FIGN: variants seen among roughly 807,000 people sequenced by gnomAD.
The protein encoded by FIGN is fidgetin, microtubule severing factor.
FIGN carries 11 observed loss-of-function variants against 51.3 expected under a neutral mutation model. The ratio of observed to expected loss-of-function variants is 0.21; its 90% CI spans 0.13 to 0.35. The LOEUF is 0.35. Ranked by LOEUF, FIGN falls within the 10% of genes least tolerant of loss-of-function variation. The probability of loss-of-function intolerance (pLI) is 1.00; values close to 1 mark genes in which losing one functional copy is unlikely to be tolerated. For synonymous variants in FIGN, 407 were observed against 363.2 expected, an observed-to-expected ratio of 1.12 and a Z score of -1.37; for missense variants, 857 against 943.6, an observed-to-expected ratio of 0.91 and a Z score of 1.20.
intron 2 of FIGN, among the ~76,000 whole-genome samples, chr2:163,708,538 A>G (rs1684536806): frequency 6.6e-6 from 1 of 152,212 alleles, no homozygotes; most frequent in East Asian, 1.9e-4. Flanking sequence ...AAAGTTACTG[A>G]AATGAAGCAA....
intron 2 of FIGN, among the ~76,000 whole-genome samples, chr2:163,697,501 G>A (rs1684341500): frequency 6.6e-6 from 1 of 152,080 alleles, no homozygotes; most frequent in Non-Finnish European, 1.5e-5. Flanking sequence ...ATTAAATGAG[G>A]GTGAAGGAAG....
At chr2:163,641,303 A>G (rs145501887) in intron 2 of FIGN, among the ~76,000 whole-genome samples, 10 of 152,342 alleles carry the variant, frequency 6.6e-5, no homozygotes, top group African/African-American at 1.9e-4. Flanking sequence ...TAACTTAATC[A>G]TCATGATTTT....
At chr2:163,685,764 G>A (rs1316691204) in intron 2 of FIGN, among the ~76,000 whole-genome samples, 2 of 152,136 alleles carry the variant, frequency 1.3e-5, no homozygotes, top group Admixed American at 6.5e-5. Flanking sequence ...GTTACTGGAG[G>A]AATAACTAGG....
Position 163,624,922 on chromosome 2 carries a change from T to C in FIGN, c.26-13116A>G, listed in dbSNP as rs74546566. 3.0e-4 allele frequency among the ~76,000 whole-genome samples: 45 copies of C among 152,070 alleles called. No homozygotes were observed. In the East Asian group the frequency reaches 6.8e-3, roughly 23 times the overall value. On this transcript the variant is annotated intron_variant, in intron 2 of 2. Transcript: ENST00000333129. ...TCCTAGCGCTGAATAGATTTTCACA[T>C]TTAGTAGTGTCATAATTAAGCTCCA...
At chr2:163,625,877 G>C (rs1683046715) in intron 2 of FIGN, among the ~76,000 whole-genome samples, 1 of 151,788 alleles carries the variant, frequency 6.6e-6, no homozygotes, top group Admixed American at 6.6e-5. Flanking sequence ...ATGAGACTCT[G>C]GTCATTCTGA....
At chr2:163,648,389 GTC>G (rs1683416380) in intron 2 of FIGN, among the ~76,000 whole-genome samples, 1 of 152,176 alleles carries the variant, frequency 6.6e-6, no homozygotes, top group African/African-American at 2.4e-5. Context: ...AGTTGAAAGA[GTC>G]TCTTTTTAAA....
chr2:163,682,398 A>G (rs1684079651), intron 2 of FIGN, among the ~76,000 whole-genome samples: 1 of 77,168 alleles, frequency 1.3e-5, no homozygotes, highest in Non-Finnish European at 2.8e-5. Context: ...ATCCAACACA[A>G]CAAGTATTTA....
chr2:163,626,178 CAAAG>C (rs1404358265), intron 2 of FIGN, among the ~76,000 whole-genome samples: 1 of 152,028 alleles, frequency 6.6e-6, no homozygotes, highest in Admixed American at 6.6e-5. Flanking sequence ...CTTTGAATTA[CAAAG>C]TAGAGAAGAA....
chr2:163,689,837 A>T (rs967227160), intron 2 of FIGN, among the ~76,000 whole-genome samples: 2 of 152,134 alleles, frequency 1.3e-5, no homozygotes, highest in African/African-American at 4.8e-5. Flanking sequence ...AGTGTCGCAA[A>T]CCCACATAAT....
At chr2:163,666,844 T>C (rs987499974) in intron 2 of FIGN, among the ~76,000 whole-genome samples, 3 of 151,548 alleles carry the variant, frequency 2.0e-5, no homozygotes, top group East Asian at 3.9e-4. Flanking sequence ...AATTTGGATA[T>C]ACCCCAGAAG....
intron 2 of FIGN, among the ~76,000 whole-genome samples, chr2:163,659,250 A>G (rs953899423): frequency 1.4e-4 from 22 of 152,312 alleles, no homozygotes; most frequent in Non-Finnish European, 1.5e-5. Flanking sequence ...GAGAAGAAAT[A>G]TTTTCTGGAA....
intron 2 of FIGN, among the ~76,000 whole-genome samples, chr2:163,720,143 T>C (rs2105362292): frequency 6.6e-6 from 1 of 152,300 alleles, no homozygotes; most frequent in South Asian, 2.1e-4. Flanking sequence ...AAGCCCCGTT[T>C]CCACAATGTC....
chr2:163,649,934 T>C (rs1238300957), intron 2 of FIGN, among the ~76,000 whole-genome samples: 1 of 152,182 alleles, frequency 6.6e-6, no homozygotes, highest in Non-Finnish European at 1.5e-5. Context: ...ACAGAGAGTC[T>C]GAGTACCATT....
chr2:163,657,686 G>A (rs1262130439), intron 2 of FIGN, among the ~76,000 whole-genome samples: 2 of 152,134 alleles, frequency 1.3e-5, no homozygotes, highest in South Asian at 2.1e-4. Context: ...GTGGTGGTAG[G>A]AGGGAGGCAG....
chr2:163,712,525 A>G (rs575359944), intron 2 of FIGN, among the ~76,000 whole-genome samples: 1 of 152,336 alleles, frequency 6.6e-6, no homozygotes, highest in East Asian at 1.9e-4. Flanking sequence ...ATATAATCAA[A>G]TACATATAGA....
chr2:163,662,771 G>A (rs6706636), intron 2 of FIGN, among the ~76,000 whole-genome samples: 4,447 of 152,320 alleles, frequency 0.029, 282 homozygotes, highest in East Asian at 0.29. Flanking sequence ...TTGTCAGAGG[G>A]ACCTGAATCG....
At chr2:163,713,055 G>A (rs1202058030) in intron 2 of FIGN, among the ~76,000 whole-genome samples, 4 of 152,146 alleles carry the variant, frequency 2.6e-5, no homozygotes, top group African/African-American at 9.7e-5. Context: ...AGTAGCTTAA[G>A]TAATATTTAT....
chr2:163,711,659 A>AG (rs1163562944), intron 2 of FIGN, among the ~76,000 whole-genome samples: 1 of 148,400 alleles, frequency 6.7e-6, no homozygotes, highest in Non-Finnish European at 1.5e-5. Context: ...TGTTTCTACA[A>AG]AAAAAAAAAA....
chr2:163,665,960 C>T (rs1683766023), intron 2 of FIGN, among the ~76,000 whole-genome samples: 2 of 152,162 alleles, frequency 1.3e-5, no homozygotes, highest in Non-Finnish European at 2.9e-5. Flanking sequence ...ATGATGAAAG[C>T]CACCATGGTG....
Sources: allele counts gnomAD v4.1 joint callset (sites outside exome capture counted in the v4.1 genomes callset), GRCh38; gene constraint gnomAD v4.1.1; transcripts MANE v1.5; gene names NCBI Gene and HGNC (gene_info 2026-07-23, HGNC 2026-07-21).